The following ITGB8 variants were observed in gnomAD, a reference collection of about 807,000 sequenced individuals.
ITGB8 encodes integrin subunit beta 8.
ITGB8 carries 30 observed loss-of-function variants against 89.5 expected under a neutral mutation model. That is an observed-to-expected ratio of 0.34 (90% confidence interval 0.25 to 0.45). The LOEUF (loss-of-function observed/expected upper bound fraction) is 0.45, where lower values mean the gene tolerates loss of function less well. ITGB8 is among the 20% of genes least tolerant of loss of function. The probability of loss-of-function intolerance (pLI) is 1.00; values close to 1 mark genes in which losing one functional copy is unlikely to be tolerated. For synonymous variants in ITGB8, 335 were observed against 320.4 expected (o/e 1.05, Z -0.49); for missense variants, 836 against 933.3 (o/e 0.90, Z 1.36).
chr7:20,339,150 C>A lies in ITGB8; in HGVS notation c.127+7217C>A, dbSNP rs763595996. ...GAGGTTGCAGTGAGCCGAGATCGTGCCATTGCTCTCCAGCCTGGCGACAGA... is the reference window on the plus strand; with the variant it reads ...GAGGTTGCAGTGAGCCGAGATCGTGACATTGCTCTCCAGCCTGGCGACAGA... On this transcript the variant is annotated intron_variant, in intron 1 of 13. Transcript: ENST00000222573. Among the ~76,000 whole-genome samples the A allele has an allele frequency of 1.5e-4, 22 of 148,154 alleles. No individual in the cohort carries two copies. In the South Asian group the frequency reaches 4.9e-3, roughly 33 times the overall value.
rs1485138464 is a variant in ITGB8 at position 20,412,028 on chromosome 7, T to A, written c.*2031T>A. The A allele has an allele frequency of 6.6e-6, 1 of 152,642 alleles. No individual in the cohort carries two copies. The highest frequency in any genetic ancestry group is 1.5e-5 in the Non-Finnish European group (1 of 68,038). The allele number at this position is 152,642 out of a possible 1,614,324, so 9.5% of individuals were successfully genotyped here. ...GAATCTATCCGAAATATCTTTTTTT[T>A]TATAATAAACTTCCAAGATTTGCTG... is the stretch of plus-strand genomic sequence containing the variant. On this transcript the variant is annotated 3_prime_UTR_variant, in exon 14 of 14. Coordinates refer to ENST00000222573, the MANE Select transcript of ITGB8 (RefSeq NM_002214.3).
intron 1 of ITGB8, among the ~76,000 whole-genome samples, chr7:20,335,557 T>G (rs1470675691): frequency 6.6e-6 from 1 of 152,230 alleles, no homozygotes; most frequent in Non-Finnish European, 1.5e-5. Context: ...CTATCTACTG[T>G]ATCATTTAAA....
chr7:20,409,920 C>T lies in ITGB8; in HGVS notation c.2233C>T (p.Arg745Ter), dbSNP rs772616945. 17 of 1,613,334 alleles carry T rather than the reference C, an allele frequency of 1.1e-5. No individual in the cohort carries two copies. The highest frequency in any genetic ancestry group is 2.2e-5 in the East Asian group (1 of 44,884). The change falls in exon 14 of 14, where the codon CGA (arginine) becomes TGA (stop). Residue 745 changes from arginine to a stop codon, truncating the protein, a stop_gained. Coordinates refer to ENST00000222573, the MANE Select transcript of ITGB8 (RefSeq NM_002214.3). LOFTEE classifies it high-confidence loss of function. ...QSVCTRAVTY[R>*]REKPEEIKMD... ...TGTTTGCACAAGAGCAGTCACCTAC[C>T]GACGTGAGAAGCCTGAAGAAATAAA...
At chr7:20,340,249 A>G (rs905025098) in intron 1 of ITGB8, among the ~76,000 whole-genome samples, 13 of 152,188 alleles carry the variant, frequency 8.5e-5, no homozygotes, top group Admixed American at 3.9e-4. Flanking sequence ...CCAGATAAAT[A>G]TTGGTATCGT....
At position 20,410,388 on chromosome 7, in the gene ITGB8, C is replaced by G. The variant is rs980094612; in HGVS notation, c.*391C>G. On this transcript the variant is annotated 3_prime_UTR_variant, in exon 14 of 14. Coordinates refer to ENST00000222573, the MANE Select transcript of ITGB8 (RefSeq NM_002214.3). The stretch of plus-strand genomic sequence containing the variant: ...TGTGTCACTACAAGGGTACAGTAAT[C>G]CCTGCACTGGACATGTGAGGAAAAA... 5 of 175,170 alleles carry G rather than the reference C, an allele frequency of 2.9e-5. No homozygotes were observed. The highest frequency in any genetic ancestry group is 4.8e-5 in the Non-Finnish European group (4 of 83,726). 10.9% of individuals were successfully genotyped at this position (175,170 alleles called of 1,614,324 possible). A position where few individuals can be genotyped will look rare whatever the true frequency, so the allele number is the denominator to read the frequency against.
chr7:20,357,947 CGTT>C (rs974349478), intron 1 of ITGB8, among the ~76,000 whole-genome samples: 4 of 151,798 alleles, frequency 2.6e-5, no homozygotes, highest in Non-Finnish European at 5.9e-5. Flanking sequence ...TTTTTGTTAT[CGTT>C]GTTGTTTTGT....
chr7:20,380,849 A>C lies in ITGB8; in HGVS notation c.801+18A>C. 6.3e-7 allele frequency: 1 copy of C among 1,583,712 alleles called. No individual in the cohort carries two copies. The highest frequency in any genetic ancestry group is 8.6e-7 in the Non-Finnish European group (1 of 1,165,084). On this transcript the variant is annotated intron_variant, in intron 5 of 13. Coordinates refer to ENST00000222573, the MANE Select transcript of ITGB8 (RefSeq NM_002214.3). ...TCTGTGAAGTAAGACGTTTCACATGATCGAGTGTTTGCTAAGATGCCAAAC... is the reference window on the plus strand; with the variant it reads ...TCTGTGAAGTAAGACGTTTCACATGCTCGAGTGTTTGCTAAGATGCCAAAC...
chr7:20,342,919 C>T (rs1283268145), intron 1 of ITGB8, among the ~76,000 whole-genome samples: 1 of 152,146 alleles, frequency 6.6e-6, no homozygotes, highest in African/African-American at 2.4e-5. Context: ...AATGGATATG[C>T]AGTGTGGGTC....
chr7:20,408,233 A>G (rs1481914974), intron 12 of ITGB8, among the ~76,000 whole-genome samples: 1 of 152,170 alleles, frequency 6.6e-6, no homozygotes, highest in Admixed American at 6.5e-5. Context: ...TGGAGGCCTC[A>G]AAAGACACCA....
intron 1 of ITGB8, chr7:20,352,571 TCAAA>T (rs1182742381): frequency 6.6e-6 from 1 of 152,216 alleles, no homozygotes; most frequent in Non-Finnish European, 1.5e-5. Flanking sequence ...CTGAAGATAA[TCAAA>T]CAGCTATTAA....
rs1787816775 is a variant in ITGB8, at chr7:20,413,012, A to T, written c.*3015A>T. On this transcript the variant is annotated 3_prime_UTR_variant, in exon 14 of 14. Transcript: ENST00000222573. ...TTTTTGTGCCCTAAAGTATGTAATG[A>T]TTTATAAATGTGCCATACATACACT... The T allele has an allele frequency of 6.6e-6, 1 of 152,340 alleles. No homozygotes were observed. Among genetic ancestry groups the T allele is most frequent in the South Asian group, 2.1e-4 (1 of 4,834 alleles). 9.4% of individuals were successfully genotyped at this position (152,340 alleles called of 1,614,324 possible).
chr7:20,386,405 ATTTTTTTTTTTTTT>A (rs759304002), intron 6 of ITGB8, among the ~76,000 whole-genome samples: 3 of 80,370 alleles, frequency 3.7e-5, no homozygotes, highest in East Asian at 4.0e-4. Flanking sequence ...CACCTGGCTA[ATTTTTTTTTTTTTT>A]TTTTTTTTTT....
At chr7:20,394,772 A>T in intron 7 of ITGB8, 124 bp from the exon 8 acceptor site, 1 of 678,244 alleles carries the variant, frequency 1.5e-6, no homozygotes. Flanking sequence ...CTTGTGTCTT[A>T]TAGGTTTTCA....
chr7:20,379,194 G>A lies in ITGB8; in HGVS notation c.532G>A (p.Ala178Thr). 1 of 1,611,748 alleles carries A rather than the reference G, an allele frequency of 6.2e-7. No homozygotes were observed. Among genetic ancestry groups the A allele is most frequent in the African/African-American group, 1.3e-5 (1 of 74,908 alleles). ...SVGNDLSRKM[A>T]FFSRDFRLGF... ...TGGAAACGATTTATCTAGAAAAATG[G>A]CATTTTTCTCCCGTGACTTTCGTCT... The change falls in exon 4 of 14, where the codon GCA becomes ACA. Residue 178 changes from alanine (A) to threonine (T), a missense_variant. This residue lies in a region of ITGB8 where 38 missense variants were observed against 52.2 expected (regional missense o/e 0.73). Transcript: ENST00000222573.
chr7:20,402,320 T>C (rs1787347925), intron 10 of ITGB8, among the ~76,000 whole-genome samples, 194 bp downstream of exon 10: 2 of 152,260 alleles, frequency 1.3e-5, no homozygotes, highest in African/African-American at 2.4e-5. Flanking sequence ...TATCTTAACC[T>C]ATTTTATACA....
At chr7:20,383,358 A>G (rs79178739) in intron 6 of ITGB8, among the ~76,000 whole-genome samples, 1 of 152,066 alleles carries the variant, frequency 6.6e-6, no homozygotes, top group Non-Finnish European at 1.5e-5. Context: ...ATTCTCTTCT[A>G]CTCAGCCTTA....
intron 10 of ITGB8, among the ~76,000 whole-genome samples, chr7:20,403,843 TATC>T (rs1298275570): frequency 6.6e-6 from 1 of 152,134 alleles, no homozygotes; most frequent in African/African-American, 2.4e-5. Flanking sequence ...AGAATTCCTA[TATC>T]ATCATGTGAA....
At chr7:20,343,678 C>T (rs1784834202) in intron 1 of ITGB8, among the ~76,000 whole-genome samples, 2 of 152,188 alleles carry the variant, frequency 1.3e-5, no homozygotes, top group Admixed American at 6.5e-5. Flanking sequence ...TGATAATGTC[C>T]TGTCTCTTTT....
At chr7:20,401,644 G>A in intron 9 of ITGB8, 77 bp from the exon 10 acceptor site, 1 of 843,480 alleles carries the variant, frequency 1.2e-6, no homozygotes, top group Non-Finnish European at 1.7e-6. Flanking sequence ...TATCAATTCA[G>A]TTATTAACAG....
Sources: allele counts gnomAD v4.1 joint callset (sites outside exome capture counted in the v4.1 genomes callset), GRCh38; gene constraint gnomAD v4.1.1; regional missense constraint gnomAD v4.1.1; transcripts MANE v1.5; gene names NCBI Gene and HGNC (gene_info 2026-07-23, HGNC 2026-07-21).